The following CSMD1 variants were observed in gnomAD, a reference collection of about 807,000 sequenced individuals.
The protein encoded by CSMD1 is CUB and sushi domain-containing protein 1.
Under a neutral mutation model 417.5 loss-of-function variants are expected in CSMD1, and 213 were observed. That is an observed-to-expected ratio of 0.51 (90% CI 0.46 to 0.57). The LOEUF (loss-of-function observed/expected upper bound fraction) is 0.57. Among genes scored for constraint, CSMD1 ranks in the 20% least tolerant of loss-of-function variants. The pLI is 0.00. For synonymous variants in CSMD1, 2,862 were observed against 1,736.8 expected, an observed-to-expected ratio of 1.65 and a Z score of -16.11; for missense variants, 6,923 against 4,529.7, an observed-to-expected ratio of 1.53 and a Z score of -15.17.
chr8:4,912,135 A>AAGAAAAAAAG (rs1554518072), intron 1 of CSMD1, among the ~76,000 whole-genome samples: 1 of 115,612 alleles, frequency 8.6e-6, no homozygotes, highest in African/African-American at 2.9e-5. Flanking sequence ...AAAAAAAAAA[A>AAGAAAAAAAG]AAAAAAGAAA....
intron 1 of CSMD1, among the ~76,000 whole-genome samples, chr8:4,723,067 G>A (rs992154576): frequency 6.6e-6 from 1 of 152,104 alleles, no homozygotes; most frequent in African/African-American, 2.4e-5. Flanking sequence ...CCTTTCAAAA[G>A]TGAATAGAGG....
intron 2 of CSMD1, among the ~76,000 whole-genome samples, chr8:4,623,824 G>T (rs1272936546): frequency 6.6e-6 from 1 of 152,022 alleles, no homozygotes; most frequent in Non-Finnish European, 1.5e-5. Context: ...CAGTTCAGTG[G>T]TGTGCTGGCA....
intron 5 of CSMD1, among the ~76,000 whole-genome samples, chr8:3,761,162 C>A (rs1018143889): frequency 6.6e-6 from 1 of 151,968 alleles, no homozygotes; most frequent in Non-Finnish European, 1.5e-5. Context: ...ACAACTGTTC[C>A]AAGTCTTATT....
chr8:4,946,467 C>A (rs973747748), intron 1 of CSMD1, among the ~76,000 whole-genome samples: 1 of 152,020 alleles, frequency 6.6e-6, no homozygotes, highest in Admixed American at 6.5e-5. Flanking sequence ...GCCCAGTGAC[C>A]CTCTATGGAG....
At chr8:3,701,045 C>A (rs1400581219) in intron 7 of CSMD1, among the ~76,000 whole-genome samples, 1 of 151,618 alleles carries the variant, frequency 6.6e-6, no homozygotes, top group Admixed American at 6.6e-5. Context: ...GCAGTCAGGG[C>A]TCACCAAGAG....
At chr8:3,605,916 C>T (rs1359016435) in intron 8 of CSMD1, among the ~76,000 whole-genome samples, 1 of 152,134 alleles carries the variant, frequency 6.6e-6, no homozygotes, top group East Asian at 1.9e-4. Flanking sequence ...GTCCATATAT[C>T]CCTAGAGACT....
chr8:3,882,543 C>T (rs1608368), intron 5 of CSMD1, among the ~76,000 whole-genome samples: 8,119 of 152,218 alleles, frequency 0.053, 273 homozygotes, highest in South Asian at 0.11. Context: ...AGTGGACGAT[C>T]GCATCCTTAG....
intron 5 of CSMD1, among the ~76,000 whole-genome samples, chr8:3,945,529 G>A (rs1403944804): frequency 6.6e-6 from 1 of 151,714 alleles, no homozygotes; most frequent in Admixed American, 6.6e-5. Flanking sequence ...ATAGTGAAAG[G>A]CGTTGATTCA....
intron 49 of CSMD1, among the ~76,000 whole-genome samples, chr8:3,082,657 T>A (rs1563319340): frequency 6.6e-6 from 1 of 152,224 alleles, no homozygotes. Context: ...AATACTTGTA[T>A]GAGGCTTCAG....
chr8:3,015,929 G>A (rs879548220), intron 52 of CSMD1, among the ~76,000 whole-genome samples: 2 of 152,108 alleles, frequency 1.3e-5, no homozygotes, highest in Non-Finnish European at 2.9e-5. Context: ...CCTGCCCCTT[G>A]CATGCGCCTC....
intron 3 of CSMD1, among the ~76,000 whole-genome samples, chr8:4,381,948 A>T (rs1012180813): frequency 6.6e-6 from 1 of 152,104 alleles, no homozygotes; most frequent in African/African-American, 2.4e-5. Flanking sequence ...TATGTGTAGA[A>T]TAACTGCACT....
At chr8:4,370,921 A>C (rs185860644) in intron 3 of CSMD1, among the ~76,000 whole-genome samples, 1 of 152,194 alleles carries the variant, frequency 6.6e-6, no homozygotes, top group Non-Finnish European at 1.5e-5. Flanking sequence ...TATGTCTGAC[A>C]CACTTCAGCC....
intron 7 of CSMD1, among the ~76,000 whole-genome samples, chr8:3,633,697 C>G (rs904790888): frequency 6.6e-6 from 1 of 152,120 alleles, no homozygotes; most frequent in African/African-American, 2.4e-5. Context: ...TGAAAACATT[C>G]AATGATCCTT....
chr8:4,348,059 T>A (rs779295376), intron 3 of CSMD1, among the ~76,000 whole-genome samples: 16 of 152,090 alleles, frequency 1.1e-4, no homozygotes, highest in African/African-American at 3.6e-4. Context: ...TACTCCAAAA[T>A]ACACCAGGCA....
intron 3 of CSMD1, among the ~76,000 whole-genome samples, chr8:4,306,809 C>G (rs565916677): frequency 1.3e-5 from 2 of 148,742 alleles, no homozygotes; most frequent in Non-Finnish European, 3.0e-5. Flanking sequence ...TCCATAGCAC[C>G]AATCAATCCC....
intron 2 of CSMD1, among the ~76,000 whole-genome samples, chr8:4,464,082 G>A (rs1000773001): frequency 6.6e-6 from 1 of 152,006 alleles, no homozygotes; most frequent in Non-Finnish European, 1.5e-5. Flanking sequence ...AAAGAAACAG[G>A]TTTCTCAGTT....
rs1475327543 is a variant in CSMD1, at chr8:2,974,618, G to C, written c.8573C>G (p.Ser2858Trp). 3 of 1,585,350 alleles carry C rather than the reference G, an allele frequency of 1.9e-6. No homozygotes were observed. The highest frequency in any genetic ancestry group is 2.6e-6 in the Non-Finnish European group (3 of 1,166,136). ...DRSLPKCLAI[S>W]CGHPGVPANA... ...GGCAGGGACCCCTGGGTGTCCACAC[G>C]ATATAGCTTCAGAAAAAAGATAAAA... The change falls in exon 56 of 70, where the codon TCG becomes TGG. Residue 2858 changes from serine (S) to tryptophan (W), a missense_variant. Transcript: ENST00000635120.
chr8:3,194,047 C>T (rs1391031338), intron 33 of CSMD1, among the ~76,000 whole-genome samples: 1 of 152,190 alleles, frequency 6.6e-6, no homozygotes, highest in African/African-American at 2.4e-5. Flanking sequence ...CTCTCAAAAT[C>T]ATTCCTCTCT....
chr8:3,376,202 G>T (rs993403361), intron 18 of CSMD1, among the ~76,000 whole-genome samples: 1 of 151,684 alleles, frequency 6.6e-6, no homozygotes, highest in Non-Finnish European at 1.5e-5. Context: ...AAAATTTTTT[G>T]ACAATATAAA....
Sources: gnomAD v4.1 joint callset for allele counts (sites outside exome capture counted in the v4.1 genomes callset) on GRCh38, gnomAD v4.1.1 for gene constraint, MANE v1.5 for transcripts, NCBI Gene and HGNC (gene_info 2026-07-23, HGNC 2026-07-21) for gene names.